Variants in IL16 observed in about 807,000 individuals in gnomAD.
IL16 encodes pro-interleukin-16.
IL16 carries 67 observed loss-of-function variants against 110.1 expected under a neutral mutation model. That is an observed-to-expected ratio of 0.61 (90% CI 0.50 to 0.75). IL16 has a LOEUF of 0.75. Among genes scored for constraint, IL16 ranks in the 30% least tolerant of loss-of-function variants. The pLI, the probability that IL16 is intolerant of heterozygous loss-of-function variation, is 0.00. For synonymous variants in IL16, 689 were observed against 662.9 expected (o/e 1.04, Z -0.61); for missense variants, 1,545 against 1,655.0 (o/e 0.93, Z 1.15).
rs1487490768 is a variant in IL16 at position 81,306,125 on chromosome 15, C to T, written c.3638C>T (p.Ala1213Val). The stretch of plus-strand genomic sequence containing the variant: ...GACCTCAACTCCTCCACTGACTCTG[C>T]AGCCTCAGCCTCTGCAGCCAGTGAT... Reference protein sequence around the residue: ...MPDLNSSTDSAASASAASDVS... With the variant: ...MPDLNSSTDSVASASAASDVS... Residue 1213 changes from alanine to valine, a missense_variant, in exon 17 of 19, where the codon GCA becomes GTA. By Grantham distance (64) the Ala-to-Val change is moderately conservative. Coordinates refer to ENST00000683961, the MANE Select transcript of IL16 (RefSeq NM_172217.5). The T allele has an allele frequency of 5.0e-6, 8 of 1,614,042 alleles. No homozygotes were observed. The highest frequency in any genetic ancestry group is 6.8e-6 in the Non-Finnish European group (8 of 1,180,040).
chr15:81,217,037 CAAAT>C (rs541596161), intron 1 of IL16, among the ~76,000 whole-genome samples: 239 of 148,178 alleles, frequency 1.6e-3, no homozygotes, highest in Non-Finnish European at 2.5e-3. Context: ...AAAAATAAAA[CAAAT>C]AAAAGCAAGA....
intron 3 of IL16, among the ~76,000 whole-genome samples, chr15:81,263,623 C>G (rs749402427): frequency 2.6e-5 from 4 of 152,206 alleles, no homozygotes; most frequent in Non-Finnish European, 4.4e-5. Flanking sequence ...CTAGTGGGAA[C>G]TGGAACCCCC....
Position 81,293,017 on chromosome 15 carries a change from A to G in IL16, c.1882A>G (p.Thr628Ala), listed in dbSNP as rs1168802168. ...RENSSCSSGH[T>A]PPTCGQEARE... ...GAACTCCTCATGCTCTTCTGGGCACACCCCACCCACCTGTGGCCAGGTAAG... is the reference window on the plus strand; with the variant it reads ...GAACTCCTCATGCTCTTCTGGGCACGCCCCACCCACCTGTGGCCAGGTAAG... The change falls in exon 12 of 19, where the codon ACC becomes GCC. Residue 628 changes from threonine (T) to alanine (A), a missense_variant. Physicochemically the swap from Thr to Ala is moderately conservative, Grantham distance 58. Around this residue, in one of 3 missense-constraint regions of IL16, gnomAD observed 1,185 missense variants for 1,238.8 expected, o/e 0.96. Transcript: ENST00000683961. The G allele has an allele frequency of 6.2e-7, 1 of 1,608,074 alleles. No homozygotes were observed. Among genetic ancestry groups the G allele is most frequent in the Admixed American group, 1.7e-5 (1 of 59,824 alleles).
chr15:81,204,725 C>T (rs1228652094), intron 1 of IL16, among the ~76,000 whole-genome samples: 4 of 144,134 alleles, frequency 2.8e-5, no homozygotes, highest in Admixed American at 2.8e-4. Flanking sequence ...TACCCTAAAA[C>T]TTAAAGTATA....
In IL16 at chr15:81,273,250, C is replaced by G. The variant is rs139368904; in HGVS notation, c.790+46C>G. 4.0e-5 allele frequency: 54 copies of G among 1,336,500 alleles called. 1 individual carries two copies. The South Asian group carries it at 6.4e-4, about 16-fold the overall frequency. The allele number at this position is 1,336,500 out of a possible 1,614,324, so 82.8% of individuals were successfully genotyped here. On this transcript the variant is annotated intron_variant, in intron 6 of 18. Coordinates refer to ENST00000683961, the MANE Select transcript of IL16 (RefSeq NM_172217.5). Reference sequence around the variant, plus strand: ...CAGACCATGGTGGAGGAATCAGAAGCAGAATCCAGAATTGCTGGGGCCATA... The same window carrying G: ...CAGACCATGGTGGAGGAATCAGAAGGAGAATCCAGAATTGCTGGGGCCATA...
chr15:81,262,908 G>C (rs201808027), intron 3 of IL16, among the ~76,000 whole-genome samples: 2 of 152,190 alleles, frequency 1.3e-5, no homozygotes, highest in African/African-American at 4.8e-5. Context: ...TCTAGCCTGG[G>C]CAACAAGAGT....
intron 2 of IL16, among the ~76,000 whole-genome samples, chr15:81,235,407 G>A (rs1897146781): frequency 6.6e-6 from 1 of 152,086 alleles, no homozygotes; most frequent in African/African-American, 2.4e-5. Context: ...GAGAGAGAGA[G>A]GAGATCCCAG....
intron 12 of IL16, among the ~76,000 whole-genome samples, chr15:81,293,329 A>G (rs1270535637): frequency 6.6e-6 from 1 of 152,234 alleles, no homozygotes; most frequent in Non-Finnish European, 1.5e-5. Flanking sequence ...TGAAGGAAAA[A>G]TACCAGGGCC....
chr15:81,279,455 T>G, intron 7 of IL16, 103 bp from the exon 8 acceptor site: 1 of 731,558 alleles, frequency 1.4e-6, no homozygotes, highest in Non-Finnish European at 2.2e-6. Context: ...ACATTTATAT[T>G]TCATACACAT....
chr15:81,308,624 T>G lies in IL16; in HGVS notation c.3825T>G (p.Ser1275Arg), dbSNP rs1195460177. 2.5e-6 allele frequency: 4 copies of G among 1,611,028 alleles called. No individual in the cohort carries two copies. Among genetic ancestry groups the G allele is most frequent in the South Asian group, 1.1e-5 (1 of 90,662 alleles). ...TTTCAGGAGCAGCCTCAGAACAAAGTGAGACAGTCCAGCCTGGAGATGAAA... is the reference window on the plus strand; with the variant it reads ...TTTCAGGAGCAGCCTCAGAACAAAGGGAGACAGTCCAGCCTGGAGATGAAA... Reference protein sequence around the residue: ...RIFKGAASEQSETVQPGDEIL... With the variant: ...RIFKGAASEQRETVQPGDEIL... The change falls in exon 19 of 19, where the codon AGT becomes AGG. Residue 1275 changes from serine (S) to arginine (R), a missense_variant. By Grantham distance (110) the Ser-to-Arg change is moderately radical. Transcript: ENST00000683961.
At chr15:81,257,552 G>A (rs780114536) in intron 2 of IL16, among the ~76,000 whole-genome samples, 3 of 152,132 alleles carry the variant, frequency 2.0e-5, no homozygotes, top group African/African-American at 7.2e-5. Context: ...CCACATAAGA[G>A]GGAAAAGCCA....
chr15:81,211,356 A>G (rs35289965), intron 1 of IL16, among the ~76,000 whole-genome samples: 12,812 of 151,530 alleles, frequency 0.085, 546 homozygotes, highest in Middle Eastern at 0.1. Flanking sequence ...GGTTCAGGCT[A>G]TTCTCCTGCC....
intron 1 of IL16, among the ~76,000 whole-genome samples, chr15:81,209,114 T>C (rs1896140608): frequency 6.6e-6 from 1 of 152,132 alleles, no homozygotes; most frequent in African/African-American, 2.4e-5. Context: ...ATTTATTGAG[T>C]CCCTTCAATG....
At chr15:81,201,155 C>CTG (rs142114710) in intron 1 of IL16, among the ~76,000 whole-genome samples, 10,352 of 150,582 alleles carry the variant, frequency 0.069, 694 homozygotes, top group East Asian at 0.16. Flanking sequence ...GTGTGTGTCT[C>CTG]TGTGTGTGTG....
At chr15:81,281,235 G>GAACATTTGCCA (rs1192218526) in intron 8 of IL16, among the ~76,000 whole-genome samples, 1 of 152,254 alleles carries the variant, frequency 6.6e-6, no homozygotes, top group African/African-American at 2.4e-5. Context: ...ACCAGCATGA[G>GAACATTTGCCA]AAGGTGAAAA....
chr15:81,305,815 T>C (rs1209737752), intron 16 of IL16, 93 bp from the exon 17 acceptor site: 2 of 1,477,650 alleles, frequency 1.4e-6, no homozygotes, highest in Non-Finnish European at 1.8e-6. Context: ...CTAAAAATCC[T>C]CTAGCATTGA....
At chr15:81,253,301 A>G (rs1897833137) in intron 2 of IL16, among the ~76,000 whole-genome samples, 2 of 152,140 alleles carry the variant, frequency 1.3e-5, no homozygotes, top group Admixed American at 6.6e-5. Flanking sequence ...TTTTTTGCCT[A>G]TTTATAAAAA....
rs189707466 is a variant in IL16, at chr15:81,265,193, G to A, written c.422-466G>A. ...TGTGTGTGTATCCCTGTGTGTGAGT[G>A]CCTGTGTAAGAGCCAGTCAGATAGG... On this transcript the variant is annotated intron_variant, in intron 3 of 18. Coordinates refer to ENST00000683961, the MANE Select transcript of IL16 (RefSeq NM_172217.5). Among the ~76,000 whole-genome samples the A allele has an allele frequency of 1.1e-3, 165 of 152,330 alleles. 1 individual carries two copies. The highest frequency in any genetic ancestry group is 3.8e-3 in the African/African-American group (160 of 41,562).
chr15:81,215,152 T>C (rs1169200584), intron 1 of IL16, among the ~76,000 whole-genome samples: 2 of 152,200 alleles, frequency 1.3e-5, no homozygotes, highest in Non-Finnish European at 2.9e-5. Context: ...CAAAAAACCA[T>C]TGCTAGGGAA....
Sources: gnomAD v4.1 joint callset for allele counts (sites outside exome capture counted in the v4.1 genomes callset) on GRCh38, gnomAD v4.1.1 for gene constraint, gnomAD v4.1.1 regional missense constraint, MANE v1.5 for transcripts, NCBI Gene and HGNC (gene_info 2026-07-23, HGNC 2026-07-21) for gene names.